The following KDELR3 variants were observed in gnomAD, a reference collection of about 807,000 sequenced individuals.
KDELR3 encodes KDEL endoplasmic reticulum protein retention receptor 3, also known as ER lumen protein-retaining receptor 3.
Under a neutral mutation model 22.7 loss-of-function variants are expected in KDELR3, and 26 were observed. The observed-to-expected ratio is 1.15, with a 90% confidence interval of 0.84 to 1.59. The LOEUF is 1.59. KDELR3 is among the 40% of genes most tolerant of loss of function. The pLI, the probability that KDELR3 is intolerant of heterozygous loss-of-function variation, is 0.00. For missense variants in KDELR3, 289 were observed against 251.1 expected (o/e 1.15, Z -1.02); for synonymous variants, 120 against 98.2 (o/e 1.22, Z -1.31).
chr22:38,472,154 C>CTA lies in KDELR3; in HGVS notation c.92-2360_92-2359dup, dbSNP rs371610685. Among the ~76,000 whole-genome samples, 474 of 152,054 alleles carry CTA rather than the reference C, an allele frequency of 3.1e-3. 2 individuals carry two copies. Among genetic ancestry groups the CTA allele is most frequent in the South Asian group, 0.013 (62 of 4,798 alleles). Reference sequence around the variant, plus strand: ...CTGAAACCACGGGTTAAACCAAACCCTATATATATACTGTTTCTTCCATCT... The same window carrying CTA: ...CTGAAACCACGGGTTAAACCAAACCCTATATATATATACTGTTTCTTCCATCT... On this transcript the variant is annotated intron_variant, in intron 1 of 4. Transcript: ENST00000216014.
In KDELR3 at chr22:38,481,201, CTT is replaced by C. The variant is rs761734090; in HGVS notation, c.352-9_352-8del. On this transcript the variant is annotated splice_polypyrimidine_tract_variant and intron_variant, in intron 3 of 4. Coordinates refer to ENST00000216014, the MANE Select transcript of KDELR3 (RefSeq NM_006855.4). ...CTTGCTCAGTCTCTGGTTGCTTTCT[CTT>C]TGGCTCAGATCCTCTGGACTTTCTC... 1 of 1,608,684 alleles carries C rather than the reference CTT, an allele frequency of 6.2e-7. No individual in the cohort carries two copies. The highest frequency in any genetic ancestry group is 1.1e-5 in the South Asian group (1 of 90,444).
At chr22:38,479,447 C>T in intron 2 of KDELR3, 146 bp from the exon 3 acceptor site, 1 of 707,986 alleles carries the variant, frequency 1.4e-6, no homozygotes, top group East Asian at 2.6e-5. Flanking sequence ...GGCAACTGGA[C>T]CCAAGATAAA....
Position 38,481,406 on chromosome 22 carries a change from G to A in KDELR3, c.546G>A (p.Val182=), listed in dbSNP as rs762524712. 6.2e-7 allele frequency: 1 copy of A among 1,614,204 alleles called. No individual in the cohort carries two copies. The highest frequency in any genetic ancestry group is 8.5e-7 in the Non-Finnish European group (1 of 1,180,038). ...TENFYDQIAV[V]SGVVQTIFYC... is the part of the protein sequence containing the mutation. Reference sequence around the variant, plus strand: ...ATTTCTATGACCAAATTGCAGTCGTGTCTGGAGTAGTACAAACCATCTTCT... The same window carrying A: ...ATTTCTATGACCAAATTGCAGTCGTATCTGGAGTAGTACAAACCATCTTCT... The change falls in exon 4 of 5, where the codon GTG becomes GTA. Residue 182 remains valine, a synonymous_variant. Transcript: ENST00000216014.
chr22:38,470,537 G>A (rs1208515125), intron 1 of KDELR3, among the ~76,000 whole-genome samples: 1 of 152,188 alleles, frequency 6.6e-6, no homozygotes, highest in Non-Finnish European at 1.5e-5. Flanking sequence ...GGGCCTGTGT[G>A]TGCACAGAGA....
intron 3 of KDELR3, among the ~76,000 whole-genome samples, chr22:38,480,710 A>G (rs1407444892): frequency 6.6e-6 from 1 of 151,984 alleles, no homozygotes; most frequent in Admixed American, 6.6e-5. Flanking sequence ...CCGAGATCGC[A>G]CCACTGCACT....
Position 38,482,626 on chromosome 22 carries a change from C to A in KDELR3, c.*90C>A. 4 of 1,218,284 alleles carry A rather than the reference C, an allele frequency of 3.3e-6. No individual in the cohort carries two copies. Among genetic ancestry groups the A allele is most frequent in the South Asian group, 1.3e-5 (1 of 79,580 alleles). The allele number at this position is 1,218,284 out of a possible 1,614,324, so 75.5% of individuals were successfully genotyped here. On this transcript the variant is annotated 3_prime_UTR_variant, in exon 5 of 5. Transcript: ENST00000216014. ...TGGCAACTTATCCATAATTTGGGAT[C>A]AAATGTTAAAACCAGAAAAGTGTTT... is the stretch of plus-strand genomic sequence containing the variant.
At chr22:38,480,535 CAGG>C (rs2089592295) in intron 3 of KDELR3, among the ~76,000 whole-genome samples, 2 of 151,862 alleles carry the variant, frequency 1.3e-5, no homozygotes, top group South Asian at 4.2e-4. Context: ...CTCATGAGGT[CAGG>C]AGATCGAGAC....
At chr22:38,475,246 C>T (rs530270547) in intron 2 of KDELR3, among the ~76,000 whole-genome samples, 7 of 152,180 alleles carry the variant, frequency 4.6e-5, no homozygotes, top group Admixed American at 2.6e-4. Context: ...GAGGCCAAGG[C>T]GAGAGGACCG....
At chr22:38,477,424 C>T (rs539548259) in intron 2 of KDELR3, among the ~76,000 whole-genome samples, 5 of 148,244 alleles carry the variant, frequency 3.4e-5, no homozygotes, top group East Asian at 2.0e-4. Flanking sequence ...GGGCTGGTCT[C>T]GAACTCCTGA....
intron 4 of KDELR3, chr22:38,481,760 G>T (rs2089653789): frequency 2.5e-6 from 2 of 800,478 alleles, no homozygotes; most frequent in Non-Finnish European, 3.5e-6. Flanking sequence ...CCACCAGCTT[G>T]GTGTGATGGA....
intron 2 of KDELR3, among the ~76,000 whole-genome samples, chr22:38,479,185 A>T (rs555534131): frequency 1.4e-5 from 2 of 145,800 alleles, no homozygotes; most frequent in South Asian, 4.3e-4. Context: ...GGCAACATTT[A>T]AAAAAAAAAA....
intron 1 of KDELR3, among the ~76,000 whole-genome samples, chr22:38,471,114 A>G (rs938470000): frequency 2.0e-5 from 3 of 152,208 alleles, no homozygotes; most frequent in Non-Finnish European, 2.9e-5. Context: ...ATTGCACTCC[A>G]GCCTGGGCAA....
chr22:38,481,220 G>A lies in KDELR3; in HGVS notation c.360G>A (p.Trp120Ter), dbSNP rs1423841252. Residue 120 changes from tryptophan (W) to a stop codon, truncating the protein, a stop_gained, in exon 4 of 5, where the codon TGG becomes TGA. Coordinates refer to ENST00000216014, the MANE Select transcript of KDELR3 (RefSeq NM_006855.4). LOFTEE classifies it high-confidence loss of function. ...NYSFTLLEIL[W>*]TFSIYLESVA... is the part of the protein sequence containing the mutation. ...CTTTCTCTTTGGCTCAGATCCTCTGGACTTTCTCTATCTATCTGGAATCAG... is the reference window on the plus strand; with the variant it reads ...CTTTCTCTTTGGCTCAGATCCTCTGAACTTTCTCTATCTATCTGGAATCAG... 1.2e-6 allele frequency: 2 copies of A among 1,613,468 alleles called. No individual in the cohort carries two copies.
chr22:38,480,266 C>T (rs2089590237), intron 3 of KDELR3, among the ~76,000 whole-genome samples: 1 of 152,072 alleles, frequency 6.6e-6, no homozygotes, highest in Non-Finnish European at 1.5e-5. Flanking sequence ...GTCTCAGCTT[C>T]CCAAGTAACT....
rs576954168 is a variant in KDELR3 at position 38,469,908 on chromosome 22, C to G, written c.91+1584C>G. 2.6e-5 allele frequency among the ~76,000 whole-genome samples: 4 copies of G among 151,818 alleles called. No individual in the cohort carries two copies. In the South Asian group the frequency reaches 6.3e-4, roughly 24 times the overall value. On this transcript the variant is annotated intron_variant, in intron 1 of 4. Transcript: ENST00000216014. ...GATCTCGGCTCACTGCAACCTCCAC[C>G]TCCCAGGTTCAAGCGATTCTCCTGC...
chr22:38,480,686 G>T (rs1569133636), intron 3 of KDELR3, among the ~76,000 whole-genome samples: 5 of 152,026 alleles, frequency 3.3e-5, no homozygotes. Flanking sequence ...CCAGGAGGTG[G>T]AGCTTGCAGT....
chr22:38,473,744 G>A (rs966764555), intron 1 of KDELR3, among the ~76,000 whole-genome samples: 5 of 152,110 alleles, frequency 3.3e-5, no homozygotes, highest in African/African-American at 1.2e-4. Flanking sequence ...AGGCCAAGGC[G>A]GGCAGATCAC....
intron 1 of KDELR3, chr22:38,474,317 T>G (rs1321054193): frequency 3.9e-6 from 2 of 518,912 alleles, no homozygotes; most frequent in East Asian, 6.7e-5. Flanking sequence ...CAGATTACAG[T>G]TTAATGAGAG....
In KDELR3 at chr22:38,482,497, C is replaced by A. The variant is rs948425232; in HGVS notation, c.606C>A (p.Val202=). The change falls in exon 5 of 5, where the codon GTC becomes GTA. Residue 202 remains valine, a splice_region_variant and synonymous_variant. Transcript: ENST00000216014. ...TATTTCATCTCCATTTTCTTCCAGT[C>A]CTTAAGGGAAAGAAGTTAAGTCTTC... ...CDFFYLYVTK[V]LKGKKLSLPM... The A allele has an allele frequency of 6.2e-7, 1 of 1,611,366 alleles. No homozygotes were observed. Among genetic ancestry groups the A allele is most frequent in the Non-Finnish European group, 8.5e-7 (1 of 1,177,484 alleles).
Sources: gnomAD v4.1 joint callset for allele counts (sites outside exome capture counted in the v4.1 genomes callset) on GRCh38, gnomAD v4.1.1 for gene constraint, MANE v1.5 for transcripts, NCBI Gene and HGNC (gene_info 2026-07-23, HGNC 2026-07-21) for gene names.